Variants in ALKAL1 observed in about 807,000 individuals in gnomAD.
ALKAL1 encodes ALK and LTK ligand 1, also known as AUG-beta.
ALKAL1 carries 23 observed loss-of-function variants against 13.5 expected under a neutral mutation model. The ratio of observed to expected loss-of-function variants is 1.70; its 90% CI spans 1.23 to 2.41. The LOEUF (loss-of-function observed/expected upper bound fraction) is 2.41, where lower values mean the gene tolerates loss of function less well. Ranked by LOEUF, ALKAL1 falls within the 30% of genes most tolerant of loss-of-function variation. ALKAL1 has a pLI of 0.00. For synonymous variants in ALKAL1, 85 were observed against 77.7 expected (o/e 1.09, Z -0.49); for missense variants, 181 against 178.4 (o/e 1.01, Z -0.08).
At chr8:52,560,521 A>T (rs563751857) in intron 1 of ALKAL1, among the ~76,000 whole-genome samples, 1 of 152,326 alleles carries the variant, frequency 6.6e-6, no homozygotes, top group South Asian at 2.1e-4. Context: ...AAAGAAAAAA[A>T]TTGCCATTAA....
chr8:52,562,638 G>T (rs1847562215), intron 1 of ALKAL1, among the ~76,000 whole-genome samples: 1 of 152,186 alleles, frequency 6.6e-6, no homozygotes, highest in Non-Finnish European at 1.5e-5. Flanking sequence ...TCTGCATTTA[G>T]GGAAGTTGCC....
Position 52,565,289 on chromosome 8 carries a change from C to CCGGGAGGATCCCGACGCAGGT in ALKAL1, c.-54_-34dup. 7.9e-7 allele frequency: 1 copy of CCGGGAGGATCCCGACGCAGGT among 1,263,398 alleles called. No homozygotes were observed. Among genetic ancestry groups the CCGGGAGGATCCCGACGCAGGT allele is most frequent in the Non-Finnish European group, 1.0e-6 (1 of 987,382 alleles). 78.3% of individuals were successfully genotyped at this position (1,263,398 alleles called of 1,614,324 possible). ...AGCCGGGAGGAGAGAGCGGGAGACT[C>CCGGGAGGATCCCGACGCAGGT]CGGGAGGATCCCGACGCAGGTCCGG... On this transcript the variant is annotated 5_prime_UTR_variant, in exon 1 of 5. Coordinates refer to ENST00000358543, the MANE Select transcript of ALKAL1 (RefSeq NM_207413.4).
At chr8:52,537,887 A>G (rs961900605) in intron 4 of ALKAL1, among the ~76,000 whole-genome samples, 1 of 152,096 alleles carries the variant, frequency 6.6e-6, no homozygotes, top group Admixed American at 6.5e-5. Context: ...ACTTGAGGTC[A>G]GGAGTTTGAG....
intron 1 of ALKAL1, among the ~76,000 whole-genome samples, chr8:52,547,885 T>A (rs1205439619): frequency 6.6e-6 from 1 of 152,236 alleles, no homozygotes; most frequent in Non-Finnish European, 1.5e-5. Flanking sequence ...CATTTCAACT[T>A]GTTTTCAACA....
At chr8:52,538,394 C>T in intron 4 of ALKAL1, 37 bp downstream of exon 4, 1 of 1,174,298 alleles carries the variant, frequency 8.5e-7, no homozygotes, top group Non-Finnish European at 1.2e-6. Context: ...TAAAGTTAGA[C>T]TATTAAACAG....
chr8:52,553,274 G>A (rs966231495), intron 1 of ALKAL1, among the ~76,000 whole-genome samples: 2 of 152,128 alleles, frequency 1.3e-5, no homozygotes, highest in African/African-American at 2.4e-5. Flanking sequence ...CTTGAGCCCA[G>A]GAGTTAGAAG....
At chr8:52,548,577 T>A (rs1014753642) in intron 1 of ALKAL1, among the ~76,000 whole-genome samples, 2 of 152,106 alleles carry the variant, frequency 1.3e-5, no homozygotes, top group African/African-American at 4.8e-5. Context: ...TCACTGTGCA[T>A]TATATATATT....
At chr8:52,535,970 G>A (rs1028854738) in intron 4 of ALKAL1, among the ~76,000 whole-genome samples, 3 of 151,484 alleles carry the variant, frequency 2.0e-5, no homozygotes, top group Non-Finnish European at 4.4e-5. Flanking sequence ...ACGGAGTCTC[G>A]CTCTGTTGCC....
intron 3 of ALKAL1, among the ~76,000 whole-genome samples, chr8:52,538,934 G>T (rs1216169388): frequency 6.6e-6 from 1 of 151,010 alleles, no homozygotes; most frequent in African/African-American, 2.4e-5. Context: ...TATTTATTTA[G>T]AAGCCGGGTT....
At chr8:52,560,699 G>A (rs1590871163) in intron 1 of ALKAL1, among the ~76,000 whole-genome samples, 1 of 152,122 alleles carries the variant, frequency 6.6e-6, no homozygotes, top group Non-Finnish European at 1.5e-5. Flanking sequence ...CTGCAGAAAG[G>A]CCACAATTCC....
chr8:52,560,898 T>G (rs1002963650), intron 1 of ALKAL1, among the ~76,000 whole-genome samples: 1 of 152,144 alleles, frequency 6.6e-6, no homozygotes, highest in Non-Finnish European at 1.5e-5. Flanking sequence ...CTCCCCATAC[T>G]AACAGTTTTC....
chr8:52,564,778 A>G (rs568527881), intron 1 of ALKAL1, among the ~76,000 whole-genome samples: 1 of 152,226 alleles, frequency 6.6e-6, no homozygotes, highest in African/African-American at 2.4e-5. Context: ...ACTGAAACCC[A>G]TGTCTTTGAG....
At chr8:52,537,755 TAA>T (rs879662343) in intron 4 of ALKAL1, among the ~76,000 whole-genome samples, 8 of 140,084 alleles carry the variant, frequency 5.7e-5, no homozygotes, top group Non-Finnish European at 7.8e-5. Flanking sequence ...ATGAGGGAGC[TAA>T]AAAAAAAAAA....
chr8:52,551,801 T>G (rs2150346329), intron 1 of ALKAL1, among the ~76,000 whole-genome samples: 1 of 152,290 alleles, frequency 6.6e-6, no homozygotes, highest in Admixed American at 6.5e-5. Flanking sequence ...AACCCAAAGT[T>G]TTGGAAGATG....
chr8:52,535,550 C>CAAAAAAAAAAAAAAAAAAAAAAAAAA (rs10719477), intron 4 of ALKAL1, among the ~76,000 whole-genome samples: 2 of 68,630 alleles, frequency 2.9e-5, no homozygotes, highest in Non-Finnish European at 5.2e-5. Context: ...GACCCTGTCT[C>CAAAAAAAAAAAAAAAAAAAAAAAAAA]AAAAAAAAAA....
rs766872026 is a variant in ALKAL1 at position 52,539,897 on chromosome 8, A to G, written c.259T>C (p.Ser87Pro). 6.2e-7 allele frequency: 1 copy of G among 1,613,504 alleles called. No homozygotes were observed. The highest frequency in any genetic ancestry group is 1.3e-5 in the African/African-American group (1 of 74,850). The change falls in exon 3 of 5, where the codon TCA (serine) becomes CCA (proline). Residue 87 changes from serine to proline, a missense_variant. Coordinates refer to ENST00000358543, the MANE Select transcript of ALKAL1 (RefSeq NM_207413.4). ...IKHFTGPVTF[S>P]PECSKHFHRL... is the part of the protein sequence containing the mutation. ...TGGAAATGTTTGCTGCATTCTGGTG[A>G]AAATGTGACCGGCCCTAGAGCACAG...
At chr8:52,541,304 A>G (rs1847309662) in intron 2 of ALKAL1, among the ~76,000 whole-genome samples, 1 of 152,086 alleles carries the variant, frequency 6.6e-6, no homozygotes, top group African/African-American at 2.4e-5. Context: ...GTGAGACCCC[A>G]TATCTAGAGA....
chr8:52,541,330 T>A (rs1323635294), intron 2 of ALKAL1, among the ~76,000 whole-genome samples: 1 of 152,030 alleles, frequency 6.6e-6, no homozygotes, highest in East Asian at 1.9e-4. Context: ...AAAAATTCGC[T>A]GAGTGTGATG....
At chr8:52,557,929 G>A (rs1847501411) in intron 1 of ALKAL1, among the ~76,000 whole-genome samples, 1 of 149,088 alleles carries the variant, frequency 6.7e-6, no homozygotes, top group Admixed American at 6.8e-5. Flanking sequence ...TTGAACCACT[G>A]CACTCCAGCC....
Sources: allele counts gnomAD v4.1 joint callset (sites outside exome capture counted in the v4.1 genomes callset), GRCh38; gene constraint gnomAD v4.1.1; transcripts MANE v1.5; gene names NCBI Gene and HGNC (gene_info 2026-07-23, HGNC 2026-07-21).